Variants in PEPD observed in about 807,000 individuals in gnomAD.
The protein encoded by PEPD is xaa-Pro dipeptidase.
A neutral mutation model predicts 60.7 loss-of-function variants in PEPD; 53 were observed. The observed-to-expected ratio is 0.87, with a 90% CI of 0.70 to 1.10. The LOEUF (loss-of-function observed/expected upper bound fraction) is 1.10, where lower values mean the gene tolerates loss of function less well. Ranked by LOEUF, PEPD falls within the 50% of genes least tolerant of loss-of-function variation. PEPD has a pLI of 0.00. For missense variants in PEPD, 711 were observed against 711.9 expected, an observed-to-expected ratio of 1.00 and a Z score of 0.01; for synonymous variants, 267 against 284.1, an observed-to-expected ratio of 0.94 and a Z score of 0.60.
chr19:33,429,442 A>G (rs972035933), intron 9 of PEPD, among the ~76,000 whole-genome samples: 3 of 152,244 alleles, frequency 2.0e-5, no homozygotes, highest in Non-Finnish European at 4.4e-5. Context: ...CCTTGTTTAT[A>G]TATTATTCTT....
chr19:33,506,006 CCCT>C (rs1028668383), intron 3 of PEPD, among the ~76,000 whole-genome samples: 5 of 145,944 alleles, frequency 3.4e-5, no homozygotes, highest in Admixed American at 2.1e-4. Flanking sequence ...CACTCACACA[CCCT>C]CATCATACCC....
chr19:33,511,502 C>G, intron 2 of PEPD: 1 of 359,856 alleles, frequency 2.8e-6, no homozygotes, highest in South Asian at 2.3e-5. Flanking sequence ...TGCAGGCAGG[C>G]AAGACGCCCC....
At chr19:33,503,039 G>A (rs1211881904) in intron 3 of PEPD, among the ~76,000 whole-genome samples, 1 of 151,990 alleles carries the variant, frequency 6.6e-6, no homozygotes, top group Middle Eastern at 3.2e-3. Flanking sequence ...GGACTTGGAG[G>A]TGATGAACTT....
At chr19:33,461,866 C>T (rs1969932063) in intron 9 of PEPD, among the ~76,000 whole-genome samples, 1 of 152,168 alleles carries the variant, frequency 6.6e-6, no homozygotes, top group African/African-American at 2.4e-5. Flanking sequence ...TTCTGATTAA[C>T]GTGTGTTACA....
intron 3 of PEPD, among the ~76,000 whole-genome samples, chr19:33,504,018 G>A (rs1378862647): frequency 2.0e-5 from 3 of 152,168 alleles, no homozygotes; most frequent in African/African-American, 7.2e-5. Context: ...CCAGAGGTCT[G>A]GTTCTCAACA....
intron 9 of PEPD, among the ~76,000 whole-genome samples, chr19:33,459,551 C>T (rs1291906561): frequency 1.3e-5 from 2 of 152,172 alleles, no homozygotes; most frequent in African/African-American, 4.8e-5. Context: ...ACACGGACGT[C>T]TTATTGGTTT....
At chr19:33,520,025 T>C (rs1291636145) in intron 1 of PEPD, among the ~76,000 whole-genome samples, 4 of 151,220 alleles carry the variant, frequency 2.6e-5, no homozygotes, top group East Asian at 1.9e-4. Context: ...CATCATGCCA[T>C]TGCACTCCAG....
At chr19:33,429,588 C>A (rs1460540871) in intron 9 of PEPD, among the ~76,000 whole-genome samples, 1 of 152,114 alleles carries the variant, frequency 6.6e-6, no homozygotes, top group African/African-American at 2.4e-5. Context: ...AAAAGAAAGT[C>A]ATCAGACTAT....
chr19:33,460,951 C>T (rs1250622125), intron 9 of PEPD, among the ~76,000 whole-genome samples: 3 of 152,170 alleles, frequency 2.0e-5, no homozygotes, highest in Non-Finnish European at 2.9e-5. Context: ...CTCAGGTTCA[C>T]GACACCCTGC....
At chr19:33,462,901 G>A in intron 9 of PEPD, 94 bp downstream of exon 9, 1 of 808,264 alleles carries the variant, frequency 1.2e-6, no homozygotes, top group Admixed American at 1.7e-5. Context: ...CACGGTGTGT[G>A]TGCCACTGCG....
intron 9 of PEPD, among the ~76,000 whole-genome samples, chr19:33,443,772 C>A (rs1969532662): frequency 6.6e-6 from 1 of 152,034 alleles, no homozygotes; most frequent in Non-Finnish European, 1.5e-5. Flanking sequence ...AATGGGTGTA[C>A]CATACGCACA....
At chr19:33,455,405 A>T (rs549864820) in intron 9 of PEPD, among the ~76,000 whole-genome samples, 1 of 152,232 alleles carries the variant, frequency 6.6e-6, no homozygotes, top group Non-Finnish European at 1.5e-5. Flanking sequence ...TCCTTTCCTG[A>T]TAAAATCTAG....
chr19:33,422,901 ATCT>A (rs561525097), intron 9 of PEPD, among the ~76,000 whole-genome samples: 237 of 150,294 alleles, frequency 1.6e-3, no homozygotes, highest in Admixed American at 3.2e-3. Context: ...TCTATCAATC[ATCT>A]ATTTCTGTAT....
rs533884628 is a variant in PEPD, at chr19:33,490,170, C to T, written c.442-113G>A. ...CAGGTAAGAACAGGATCCCCTCCTGCCTTCCCCCAACAGATGAGCCACCCA... is the reference window on the plus strand; with the variant it reads ...CAGGTAAGAACAGGATCCCCTCCTGTCTTCCCCCAACAGATGAGCCACCCA... On this transcript the variant is annotated intron_variant, in intron 5 of 14. Transcript: ENST00000244137. The T allele has an allele frequency of 3.7e-3, 2,763 of 752,490 alleles. 11 individuals carry two copies. Among genetic ancestry groups the T allele is most frequent in the Non-Finnish European group, 5.3e-3 (2,228 of 420,292 alleles). 46.6% of individuals were successfully genotyped at this position (752,490 alleles called of 1,614,324 possible). A position where few individuals can be genotyped will look rare whatever the true frequency, so the allele number is the denominator to read the frequency against.
At chr19:33,512,164 T>C (rs1970939769) in intron 2 of PEPD, among the ~76,000 whole-genome samples, 1 of 152,154 alleles carries the variant, frequency 6.6e-6, no homozygotes, top group Admixed American at 6.5e-5. Flanking sequence ...GCACTAGATT[T>C]AGAGTTGGAA....
chr19:33,454,832 G>A (rs1303536966), intron 9 of PEPD, among the ~76,000 whole-genome samples: 1 of 152,150 alleles, frequency 6.6e-6, no homozygotes. Flanking sequence ...ACCTTAGCCA[G>A]GTGATCAAGG....
chr19:33,412,547 G>A (rs1483479362), intron 10 of PEPD, among the ~76,000 whole-genome samples: 1 of 152,196 alleles, frequency 6.6e-6, no homozygotes, highest in East Asian at 1.9e-4. Context: ...GCCTGAGAAG[G>A]CTTCCCTAAT....
chr19:33,394,484 G>A (rs192119864), intron 12 of PEPD, among the ~76,000 whole-genome samples: 1 of 152,364 alleles, frequency 6.6e-6, no homozygotes, highest in Non-Finnish European at 1.5e-5. Context: ...GCCGGGAGCA[G>A]GGAGTTTCTG....
chr19:33,501,026 C>A, intron 3 of PEPD, 25 bp from the exon 4 acceptor site: 1 of 1,460,110 alleles, frequency 6.8e-7, no homozygotes, highest in Non-Finnish European at 9.6e-7. Context: ...CAAGGAATAT[C>A]AGGGTCAGGG....
Sources: allele counts gnomAD v4.1 joint callset (sites outside exome capture counted in the v4.1 genomes callset), GRCh38; gene constraint gnomAD v4.1.1; transcripts MANE v1.5; gene names NCBI Gene and HGNC (gene_info 2026-07-23, HGNC 2026-07-21).